NLRP14: variants seen among roughly 807,000 people sequenced by gnomAD.
NLRP14 encodes NLR family pyrin domain containing 14.
In NLRP14, 105 loss-of-function variants were observed where a neutral mutation model predicts 94.7. The ratio of observed to expected loss-of-function variants is 1.11; its 90% CI spans 0.95 to 1.30. NLRP14 has a LOEUF of 1.30. NLRP14 is among the 50% of genes most tolerant of loss of function. The probability of loss-of-function intolerance (pLI) is 0.00; values close to 1 mark genes in which losing one functional copy is unlikely to be tolerated. For missense variants in NLRP14, 1,362 were observed against 1,254.1 expected, an observed-to-expected ratio of 1.09 and a Z score of -1.30; for synonymous variants, 508 against 459.9, an observed-to-expected ratio of 1.10 and a Z score of -1.34.
At chr11:7,078,804 T>A in the NLRP14 span, among the ~76,000 whole-genome samples, 1 of 152,086 alleles carries the variant, frequency 6.6e-6, no homozygotes, top group Non-Finnish European at 1.5e-5. Flanking sequence ...AAAAATTGAT[T>A]AAATCTTTTA....
intron 3 of NLRP14, 48 bp downstream of exon 3, chr11:7,039,833 G>A (rs747702892): frequency 2.9e-6 from 4 of 1,363,568 alleles, no homozygotes; most frequent in South Asian, 2.3e-5. Context: ...TCAAAGTTTT[G>A]ATACAGGACG....
At chr11:7,073,323 A>G (rs186453743), downstream of NLRP14, among the ~76,000 whole-genome samples, 84 of 152,266 alleles carry the variant, frequency 5.5e-4, no homozygotes, top group African/African-American at 2.0e-3. Flanking sequence ...TCTGTGGGAG[A>G]AAATAAAGCC....
At chr11:7,089,997 G>T in the NLRP14 span, 6 of 1,613,012 alleles carry the variant, frequency 3.7e-6, no homozygotes, top group East Asian at 6.7e-5. Context: ...GCGCGGCGCC[G>T]CCCCAGGACG....
rs758615325 is a variant in NLRP14, at chr11:7,049,802, C to T, written c.2255C>T (p.Ala752Val). Residue 752 changes from alanine to valine, a missense_variant, in exon 6 of 12, where the codon GCC (alanine) becomes GTC (valine). Coordinates refer to ENST00000299481, the MANE Select transcript of NLRP14 (RefSeq NM_176822.4). Reference protein sequence around the residue: ...GDNGVKSLCEALKHPECKLQT... With the variant: ...GDNGVKSLCEVLKHPECKLQT... ...AATGGAGTAAAGTCATTGTGTGAGG[C>T]CTTGAAACACCCAGAGTGTAAACTA... 2 of 1,611,942 alleles carry T rather than the reference C, an allele frequency of 1.2e-6. No homozygotes were observed. Among genetic ancestry groups the T allele is most frequent in the Admixed American group, 3.3e-5 (2 of 59,992 alleles).
chr11:7,023,799 T>C (rs1460481280), intron 1 of NLRP14, among the ~76,000 whole-genome samples: 1 of 151,976 alleles, frequency 6.6e-6, no homozygotes, highest in Non-Finnish European at 1.5e-5. Context: ...GTGAAGGGGC[T>C]ATGGGCATGT....
downstream of NLRP14, among the ~76,000 whole-genome samples, chr11:7,075,859 C>T (rs989332097): frequency 7.2e-5 from 11 of 152,306 alleles, no homozygotes; most frequent in African/African-American, 2.2e-4. Context: ...CTTTGATCAT[C>T]GGGGATCTCC....
intron 9 of NLRP14, 49 bp from the exon 10 acceptor site, chr11:7,062,284 T>C (rs975973573): frequency 1.3e-6 from 2 of 1,521,562 alleles, no homozygotes; most frequent in East Asian, 2.3e-5. Context: ...AAGAAACTTA[T>C]TTAACCTCAC....
At chr11:7,052,566 G>A (rs1852455853) in intron 6 of NLRP14, among the ~76,000 whole-genome samples, 1 of 152,062 alleles carries the variant, frequency 6.6e-6, no homozygotes, top group Non-Finnish European at 1.5e-5. Context: ...CCTGGGAGGC[G>A]GAGGTTGCAG....
chr11:7,074,489 G>T (rs898665775), downstream of NLRP14, among the ~76,000 whole-genome samples: 7 of 152,320 alleles, frequency 4.6e-5, no homozygotes, highest in Non-Finnish European at 8.8e-5. Flanking sequence ...CAGACAACAG[G>T]ATTTCCAAGC....
chr11:7,052,186 T>C (rs1262981192), intron 6 of NLRP14, among the ~76,000 whole-genome samples: 3 of 152,206 alleles, frequency 2.0e-5, no homozygotes, highest in Admixed American at 6.5e-5. Context: ...TGCTCTGCTA[T>C]TGGGGCTTTA....
At chr11:7,031,082 G>C (rs1565010811) in intron 1 of NLRP14, among the ~76,000 whole-genome samples, 1 of 152,206 alleles carries the variant, frequency 6.6e-6, no homozygotes, top group Non-Finnish European at 1.5e-5. Flanking sequence ...CTTCTCTCAG[G>C]GGAGGAGGAA....
the NLRP14 span, among the ~76,000 whole-genome samples, chr11:7,086,030 C>A: frequency 1.2e-4 from 19 of 152,262 alleles, no homozygotes; most frequent in Non-Finnish European, 2.4e-4. Flanking sequence ...TATCTAAGAA[C>A]CTACTTTCAA....
intron 6 of NLRP14, 21 bp from the exon 7 acceptor site, chr11:7,057,655 GC>G (rs1425115406): frequency 6.2e-7 from 1 of 1,609,252 alleles, no homozygotes; most frequent in Non-Finnish European, 8.5e-7. Flanking sequence ...GGTCATTCCT[GC>G]TTTTCTGTGT....
intron 10 of NLRP14, among the ~76,000 whole-genome samples, chr11:7,065,330 ATTGT>A (rs1852689119): frequency 2.0e-5 from 3 of 152,016 alleles, no homozygotes; most frequent in Non-Finnish European, 4.4e-5. Flanking sequence ...GTTGTAAATG[ATTGT>A]TTTAGTTATT....
At chr11:7,048,743 C>T (rs1392736228) in intron 5 of NLRP14, among the ~76,000 whole-genome samples, 2 of 152,184 alleles carry the variant, frequency 1.3e-5, no homozygotes, top group Non-Finnish European at 2.9e-5. Flanking sequence ...CAATCCGGAT[C>T]TTCACAATAG....
rs183326325 is a variant in NLRP14, at chr11:7,059,501, A to G, written c.2634-393A>G. On this transcript the variant is annotated intron_variant, in intron 8 of 11. Transcript: ENST00000299481. Reference sequence around the variant, plus strand: ...TCTATTGTACAAAAGCAATAATGGCATAATATGGATTTTCCTTACTGTTTG... The same window carrying G: ...TCTATTGTACAAAAGCAATAATGGCGTAATATGGATTTTCCTTACTGTTTG... Among the ~76,000 whole-genome samples, 1,284 of 152,072 alleles carry G rather than the reference A, an allele frequency of 8.4e-3. 17 individuals carry two copies. Among genetic ancestry groups the G allele is most frequent in the African/African-American group, 0.029 (1,220 of 41,528 alleles).
At chr11:7,088,928 T>C in the NLRP14 span, 1 of 650,064 alleles carries the variant, frequency 1.5e-6, no homozygotes, top group Non-Finnish European at 2.7e-6. Flanking sequence ...GAATTGGCCC[T>C]CTGGAAACAG....
At chr11:7,058,560 C>G (rs921366589) in intron 8 of NLRP14, 110 bp downstream of exon 8, 9 of 803,286 alleles carry the variant, frequency 1.1e-5, no homozygotes, top group Non-Finnish European at 1.9e-5. Context: ...CCCTGTTACC[C>G]TTAATGAAGA....
the NLRP14 span, chr11:7,089,461 G>T: frequency 8.3e-6 from 11 of 1,317,402 alleles, no homozygotes; most frequent in Middle Eastern, 2.4e-4. Flanking sequence ...ACCCGCGGGG[G>T]TGGCGGCGGC....
Sources: gnomAD v4.1 joint callset for allele counts (sites outside exome capture counted in the v4.1 genomes callset) on GRCh38, gnomAD v4.1.1 for gene constraint, MANE v1.5 for transcripts, NCBI Gene and HGNC (gene_info 2026-07-23, HGNC 2026-07-21) for gene names.